The following ANK1 variants were observed in gnomAD, a reference collection of about 807,000 sequenced individuals.
The protein encoded by ANK1 is ankyrin-1.
In ANK1, 51 loss-of-function variants were observed where a neutral mutation model predicts 210.4. That is an observed-to-expected ratio of 0.24 (90% CI 0.19 to 0.31). The LOEUF is 0.31. Among genes scored for constraint, ANK1 ranks in the 10% least tolerant of loss-of-function variants. The probability of loss-of-function intolerance (pLI) is 1.00; values close to 1 mark genes in which losing one functional copy is unlikely to be tolerated. For synonymous variants in ANK1, 967 were observed against 1,025.9 expected (o/e 0.94, Z 1.10); for missense variants, 2,051 against 2,504.4 (o/e 0.82, Z 3.86).
intron 26 of ANK1, 89 bp downstream of exon 26, chr8:41,696,274 G>C: frequency 1.4e-6 from 2 of 1,456,924 alleles, no homozygotes; most frequent in Non-Finnish European, 1.9e-6. Flanking sequence ...GGGGCACCCA[G>C]TTCTGTTTCC....
chr8:41,669,573 C>G (rs1811592098), intron 38 of ANK1, among the ~76,000 whole-genome samples: 1 of 152,176 alleles, frequency 6.6e-6, no homozygotes, highest in South Asian at 2.1e-4. Flanking sequence ...TCTCCCCTAG[C>G]CTGTCCCACC....
intron 1 of ANK1, among the ~76,000 whole-genome samples, chr8:41,839,209 A>AAC (rs1208594975): frequency 1.3e-5 from 2 of 152,250 alleles, no homozygotes; most frequent in African/African-American, 4.8e-5. Context: ...TGGTGCTTTT[A>AAC]TATAATAATG....
At chr8:41,732,894 C>T (rs957373025) in intron 3 of ANK1, among the ~76,000 whole-genome samples, 51 of 152,126 alleles carry the variant, frequency 3.4e-4, no homozygotes, top group African/African-American at 1.0e-3. Flanking sequence ...CCCGCCACCA[C>T]GCCCGGCTAA....
chr8:41,874,544 CAG>C (rs1478681108), intron 1 of ANK1, among the ~76,000 whole-genome samples: 1 of 152,236 alleles, frequency 6.6e-6, no homozygotes, highest in Non-Finnish European at 1.5e-5. Flanking sequence ...CCACTTCTTT[CAG>C]AGTGTGTCGG....
intron 37 of ANK1, among the ~76,000 whole-genome samples, chr8:41,675,093 C>G (rs1813713792): frequency 6.6e-6 from 1 of 152,144 alleles, no homozygotes; most frequent in South Asian, 2.1e-4. Flanking sequence ...AGTTACTGAG[C>G]ATTTTGTTGT....
intron 1 of ANK1, among the ~76,000 whole-genome samples, chr8:41,841,697 G>T (rs1032516422): frequency 3.0e-4 from 45 of 151,662 alleles, no homozygotes; most frequent in Admixed American, 1.6e-3. Context: ...ACACACAGGG[G>T]TTTTTTTTTG....
At chr8:41,690,693 C>A (rs532829011) in intron 31 of ANK1, 94 bp from the exon 32 acceptor site, 1 of 1,534,450 alleles carries the variant, frequency 6.5e-7, no homozygotes, top group African/African-American at 1.4e-5. Context: ...CCAAGACACA[C>A]CCTGCCTCAG....
intron 1 of ANK1, among the ~76,000 whole-genome samples, chr8:41,865,621 T>C (rs1814265331): frequency 6.6e-6 from 1 of 151,634 alleles, no homozygotes; most frequent in Non-Finnish European, 1.5e-5. Context: ...CCTCCTCTGA[T>C]TCTCTCCCCT....
chr8:41,729,322 G>A (rs1330639918), intron 3 of ANK1, among the ~76,000 whole-genome samples: 3 of 152,220 alleles, frequency 2.0e-5, no homozygotes, highest in African/African-American at 7.2e-5. Flanking sequence ...TTTAAACTTT[G>A]TAAAAGATAA....
chr8:41,800,592 C>A (rs1032073895), upstream of ANK1, among the ~76,000 whole-genome samples: 7 of 152,184 alleles, frequency 4.6e-5, no homozygotes, highest in Non-Finnish European at 1.0e-4. Flanking sequence ...GGTTCCAATG[C>A]CCCAGTCTTT....
rs569549464 is a variant in ANK1, at chr8:41,748,454, T to G, written c.129+9582A>C. Among the ~76,000 whole-genome samples the G allele has an allele frequency of 2.6e-5, 4 of 152,310 alleles. No individual in the cohort carries two copies. The East Asian group carries it at 7.7e-4, about 29-fold the overall frequency. On this transcript the variant is annotated intron_variant, in intron 2 of 42. Transcript: ENST00000289734. ...TCTAGCTCTAACCTCCTTAGCTGGA[T>G]TGACCACCATCCTCACCCTCTTTCA...
intron 1 of ANK1, among the ~76,000 whole-genome samples, chr8:41,803,193 G>A (rs144714765): frequency 0.016 from 2,380 of 148,232 alleles, 20 homozygotes; most frequent in East Asian, 0.027. Flanking sequence ...GAGAGAGAGA[G>A]AAAAAAAAAG....
At position 41,704,185 on chromosome 8, in the gene ANK1, C is replaced by CA; in HGVS notation, c.2197-47dup. On this transcript the variant is annotated intron_variant, in intron 19 of 42. Transcript: ENST00000289734. The surrounding 1 kb of genome is among the most constrained non-coding windows in gnomAD (Gnocchi z 4.1). ...TAGGCAGGGTTAGCCAGCCACTAGA[C>CA]AGAGACCTGCCTACACATGATAGTG... 1.9e-6 allele frequency: 3 copies of CA among 1,541,482 alleles called. 1 individual carries two copies. The East Asian group carries it at 6.7e-5, about 35-fold the overall frequency.
intron 1 of ANK1, among the ~76,000 whole-genome samples, chr8:41,827,767 CCACACACATGCTCACGCCCA>C (rs1805688530): frequency 1.3e-5 from 2 of 148,764 alleles, no homozygotes; most frequent in African/African-American, 2.5e-5. Flanking sequence ...CTCACACACC[CCACACACATGCTCACGCCCA>C]CACACATGCA....
At chr8:41,664,195 C>A in intron 39 of ANK1, 1 of 457,312 alleles carries the variant, frequency 2.2e-6, no homozygotes, top group Non-Finnish European at 4.4e-6. Context: ...CGGGTGCAAT[C>A]CCATGGTGGC....
At chr8:41,868,329 C>G (rs895681918) in intron 1 of ANK1, among the ~76,000 whole-genome samples, 3 of 142,690 alleles carry the variant, frequency 2.1e-5, no homozygotes, top group Non-Finnish European at 3.0e-5. Flanking sequence ...GCTGGTTGCA[C>G]CCTTCCTCCC....
chr8:41,777,175 T>C lies in ANK1; in HGVS notation c.28-19038A>G, dbSNP rs143477564. On this transcript the variant is annotated intron_variant, in intron 1 of 42. Transcript: ENST00000289734. ...GCTTATCTGCAGAAAACTCTGCCCA[T>C]CCCAGGGGAATCCTAAGGTATGTCT... 2.5e-3 allele frequency among the ~76,000 whole-genome samples: 381 copies of C among 152,282 alleles called. 3 individuals carry two copies. The highest frequency in any genetic ancestry group is 8.7e-3 in the African/African-American group (363 of 41,554).
At chr8:41,655,836 C>T in intron 42 of ANK1, 83 bp from the exon 43 acceptor site, 2 of 1,487,600 alleles carry the variant, frequency 1.3e-6, no homozygotes, top group Non-Finnish European at 1.9e-6. Flanking sequence ...GAGTTTTGTG[C>T]TGGCAGCTCA....
chr8:41,702,758 C>T (rs745346997), intron 20 of ANK1, among the ~76,000 whole-genome samples: 2 of 152,184 alleles, frequency 1.3e-5, no homozygotes, highest in African/African-American at 2.4e-5. Context: ...GTGCCTTGGG[C>T]TCCGTTCAGA....
Sources: allele counts gnomAD v4.1 joint callset (sites outside exome capture counted in the v4.1 genomes callset), GRCh38; gene constraint gnomAD v4.1.1; non-coding constraint Gnocchi (gnomAD v3.1); transcripts MANE v1.5; gene names NCBI Gene and HGNC (gene_info 2026-07-23, HGNC 2026-07-21).